Variants in GPR20 observed in about 807,000 individuals in gnomAD.
GPR20 encodes the protein CTD-3064M3.3.
For missense variants in GPR20, 494 were observed against 527.4 expected (o/e 0.94, Z 0.62); for synonymous variants, 241 against 241.9 (o/e 1.00, Z 0.04).
At chr8:141,361,241 G>A (rs192792223) in intron 1 of GPR20, among the ~76,000 whole-genome samples, 18 of 152,330 alleles carry the variant, frequency 1.2e-4, no homozygotes, top group Admixed American at 9.2e-4. Flanking sequence ...CCCACACACA[G>A]GTACTTCCTT....
intron 1 of GPR20, among the ~76,000 whole-genome samples, chr8:141,363,194 T>C (rs1168411326): frequency 6.6e-6 from 1 of 152,216 alleles, no homozygotes; most frequent in Non-Finnish European, 1.5e-5. Context: ...ATTTGTTGAA[T>C]GAATGAATGA....
chr8:141,360,828 G>A (rs1176372997), intron 1 of GPR20, among the ~76,000 whole-genome samples: 1 of 152,248 alleles, frequency 6.6e-6, no homozygotes, highest in Non-Finnish European at 1.5e-5. Flanking sequence ...TGAGACCTGG[G>A]CCTGGTCAGT....
At chr8:141,363,180 C>A (rs7014181) in intron 1 of GPR20, among the ~76,000 whole-genome samples, 1 of 152,228 alleles carries the variant, frequency 6.6e-6, no homozygotes, top group African/African-American at 2.4e-5. Flanking sequence ...ACTTTGGGAA[C>A]CATATTTGTT....
chr8:141,359,130 T>TG (rs1831696591), intron 1 of GPR20, among the ~76,000 whole-genome samples: 1 of 152,068 alleles, frequency 6.6e-6, no homozygotes, highest in East Asian at 1.9e-4. Context: ...GGGAGGCTCG[T>TG]GGGCCGTTTC....
At chr8:141,362,312 G>T (rs751722054) in intron 1 of GPR20, among the ~76,000 whole-genome samples, 1 of 152,068 alleles carries the variant, frequency 6.6e-6, no homozygotes, top group African/African-American at 2.4e-5. Flanking sequence ...GGCACCCTGC[G>T]CTTCCTCAAT....
At position 141,357,702 on chromosome 8, in the gene GPR20, C is replaced by T. The variant is rs774479746; in HGVS notation, c.222G>A (p.Ala74=). ...GGGTGCGGCAGCAGAAGACGTACAG[C>T]GCCAGCCCGTTGAGCACCAGCCCTG... The part of the protein sequence containing the change: ...FLAGLVLNGL[A]LYVFCCRTRA... Residue 74 remains alanine, a synonymous_variant, in exon 2 of 2, where the codon GCG becomes GCA. Coordinates refer to ENST00000377741, the MANE Select transcript of GPR20 (RefSeq NM_005293.3). The T allele has an allele frequency of 7.4e-6, 12 of 1,613,358 alleles. No homozygotes were observed. The highest frequency in any genetic ancestry group is 3.3e-5 in the Admixed American group (2 of 60,010).
chr8:141,361,721 G>A (rs748714442), intron 1 of GPR20, among the ~76,000 whole-genome samples: 8 of 151,988 alleles, frequency 5.3e-5, no homozygotes, highest in Non-Finnish European at 7.4e-5. Flanking sequence ...GGGAATGGCC[G>A]GACACGCTGC....
At chr8:141,361,443 G>A (rs564476074) in intron 1 of GPR20, among the ~76,000 whole-genome samples, 1 of 152,350 alleles carries the variant, frequency 6.6e-6, no homozygotes, top group South Asian at 2.1e-4. Context: ...TTCCTCATCT[G>A]TAGAGTGGGC....
At chr8:141,361,385 C>T (rs1334489668) in intron 1 of GPR20, among the ~76,000 whole-genome samples, 1 of 152,244 alleles carries the variant, frequency 6.6e-6, no homozygotes, top group Non-Finnish European at 1.5e-5. Flanking sequence ...CAAAGCCTGG[C>T]TCCATCTCTG....
intron 1 of GPR20, 68 bp from the exon 2 acceptor site, chr8:141,358,015 A>C: frequency 1.3e-6 from 1 of 771,660 alleles, no homozygotes; most frequent in Non-Finnish European, 2.0e-6. Flanking sequence ...GAGGCCCAGA[A>C]CTCAGCTGGC....
At chr8:141,362,815 G>A (rs1260745891) in intron 1 of GPR20, among the ~76,000 whole-genome samples, 1 of 150,686 alleles carries the variant, frequency 6.6e-6, no homozygotes, top group Non-Finnish European at 1.5e-5. Flanking sequence ...GTGCTGTGGC[G>A]AAATGTCGGC....
chr8:141,366,603 GAC>G (rs1831817205), intron 1 of GPR20, among the ~76,000 whole-genome samples: 1 of 152,256 alleles, frequency 6.6e-6, no homozygotes, highest in Non-Finnish European at 1.5e-5. Flanking sequence ...AAGGGGTAGA[GAC>G]AGCACCAAGG....
chr8:141,363,934 C>G (rs940273047), intron 1 of GPR20, among the ~76,000 whole-genome samples: 11 of 152,238 alleles, frequency 7.2e-5, no homozygotes, highest in Admixed American at 1.3e-4. Flanking sequence ...ACGGGCCCAG[C>G]CTTTTCCCCA....
At chr8:141,358,151 TCA>T (rs1233464833) in intron 1 of GPR20, among the ~76,000 whole-genome samples, 1 of 152,260 alleles carries the variant, frequency 6.6e-6, no homozygotes, top group Admixed American at 6.5e-5. Flanking sequence ...GCACAGGCTT[TCA>T]GAGTCAGACG....
At chr8:141,358,793 A>T (rs1277877921) in intron 1 of GPR20, among the ~76,000 whole-genome samples, 2 of 152,162 alleles carry the variant, frequency 1.3e-5, no homozygotes, top group Non-Finnish European at 2.9e-5. Flanking sequence ...TGATCCCCCC[A>T]AACTACAGAA....
intron 1 of GPR20, among the ~76,000 whole-genome samples, chr8:141,365,198 G>C (rs1459019994): frequency 6.6e-6 from 1 of 152,194 alleles, no homozygotes; most frequent in Non-Finnish European, 1.5e-5. Flanking sequence ...CCTGCCCCAG[G>C]GGGAGAGCTA....
Position 141,357,728 on chromosome 8 carries a change from C to A in GPR20, c.196G>T (p.Ala66Ser), listed in dbSNP as rs201753029. 6 of 1,613,248 alleles carry A rather than the reference C, an allele frequency of 3.7e-6. No homozygotes were observed. The highest frequency in any genetic ancestry group is 2.2e-5 in the East Asian group (1 of 44,894). ...LMAVHGAIFL[A>S]GLVLNGLALY... ...GCCAGCCCGTTGAGCACCAGCCCTG[C>A]CAGGAAGATGGCTCCGTGCACCGCC... is the stretch of plus-strand genomic sequence containing the variant. Residue 66 changes from alanine to serine, a missense_variant, in exon 2 of 2, where the codon GCA becomes TCA. Transcript: ENST00000377741.
In GPR20 at chr8:141,357,625, A is replaced by G; in HGVS notation, c.299T>C (p.Leu100Pro). ...IYTINLVVTDLLVGLSLPTRF... is the reference protein window; with the variant it reads ...IYTINLVVTDPLVGLSLPTRF... ...CGTGGGCAGGGACAGCCCTACCAGT[A>G]GATCGGTCACCACCAGGTTGATGGT... The change falls in exon 2 of 2, where the codon CTA becomes CCA. Residue 100 changes from leucine to proline, a missense_variant. Transcript: ENST00000377741. 5.0e-6 allele frequency: 8 copies of G among 1,614,006 alleles called. No individual in the cohort carries two copies. The highest frequency in any genetic ancestry group is 6.8e-6 in the Non-Finnish European group (8 of 1,180,016).
chr8:141,363,852 C>A (rs1831775621), intron 1 of GPR20, among the ~76,000 whole-genome samples: 1 of 152,224 alleles, frequency 6.6e-6, no homozygotes, highest in African/African-American at 2.4e-5. Context: ...CAGCAGATGG[C>A]CCAGGGTGGC....
Sources: gnomAD v4.1 joint callset for allele counts (sites outside exome capture counted in the v4.1 genomes callset) on GRCh38, gnomAD v4.1.1 for gene constraint, MANE v1.5 for transcripts, NCBI Gene and HGNC (gene_info 2026-07-23, HGNC 2026-07-21) for gene names.